CCDC3: variants seen among roughly 807,000 people sequenced by gnomAD.
CCDC3 encodes the protein coiled-coil domain-containing protein 3.
CCDC3 carries 24 observed loss-of-function variants against 21.4 expected under a neutral mutation model. The ratio of observed to expected loss-of-function variants is 1.12; its 90% CI spans 0.81 to 1.58. The LOEUF is 1.58. Ranked by LOEUF, CCDC3 falls within the 40% of genes most tolerant of loss-of-function variation. The probability of loss-of-function intolerance (pLI) is 0.00; values close to 1 mark genes in which losing one functional copy is unlikely to be tolerated. For synonymous variants in CCDC3, 186 were observed against 166.0 expected (o/e 1.12, Z -0.93); for missense variants, 425 against 360.9 (o/e 1.18, Z -1.44).
At chr10:12,989,929 GA>G (rs897420107) in intron 2 of CCDC3, among the ~76,000 whole-genome samples, 110 of 144,424 alleles carry the variant, frequency 7.6e-4, no homozygotes, top group East Asian at 5.3e-3. Context: ...TGTGCAAGCA[GA>G]AAAAAAAAAA....
At chr10:13,053,226 T>C (rs2131426691) in intron 4 of CCDC3, among the ~76,000 whole-genome samples, 1 of 152,174 alleles carries the variant, frequency 6.6e-6, no homozygotes, top group East Asian at 1.9e-4. Flanking sequence ...GGCAGGAAGG[T>C]TAAAATTAGG....
intron 2 of CCDC3, among the ~76,000 whole-genome samples, chr10:12,991,794 A>G (rs910605061): frequency 6.6e-6 from 1 of 152,242 alleles, no homozygotes; most frequent in Admixed American, 6.5e-5. Flanking sequence ...CTGAACTCTG[A>G]ACACTAAACA....
In CCDC3 at chr10:13,091,309, T is replaced by C. The variant is rs184271956; in HGVS notation, c.-503+7216A>G. ...TAGCCATCACAGGAGGTGAAGCCTT[T>C]TGGGGGGTGATTAGGTCATGAGAGG... On this transcript the variant is annotated intron_variant, in intron 3 of 6. Transcript: ENST00000378839. Among the ~76,000 whole-genome samples the C allele has an allele frequency of 1.9e-3, 288 of 152,272 alleles. 1 individual carries two copies. Among genetic ancestry groups the C allele is most frequent in the African/African-American group, 6.6e-3 (276 of 41,566 alleles).
chr10:13,031,996 C>A (rs1435966961), intron 5 of CCDC3, among the ~76,000 whole-genome samples: 2 of 152,166 alleles, frequency 1.3e-5, no homozygotes, highest in African/African-American at 2.4e-5. Context: ...TTTTATGAGG[C>A]CAGCATCATC....
chr10:12,903,971 G>A (rs942299122), intron 2 of CCDC3, among the ~76,000 whole-genome samples: 1 of 152,148 alleles, frequency 6.6e-6, no homozygotes, highest in East Asian at 1.9e-4. Context: ...TTGTTCCTAC[G>A]GGTATAAATA....
At chr10:12,990,077 C>T (rs1263166544) in intron 2 of CCDC3, among the ~76,000 whole-genome samples, 2 of 151,816 alleles carry the variant, frequency 1.3e-5, no homozygotes, top group African/African-American at 2.4e-5. Context: ...ACAGTGAAAC[C>T]GCATCTCTAC....
rs144914195 is a variant in CCDC3, at chr10:12,976,376, G to A, written c.549+21962C>T. Among the ~76,000 whole-genome samples, 309 of 152,314 alleles carry A rather than the reference G, an allele frequency of 2.0e-3. 2 individuals are homozygous for A. The highest frequency in any genetic ancestry group is 6.8e-3 in the African/African-American group (283 of 41,572). ...TTAGGCCCCAGGCTACAAAGATGAA[G>A]ATGAAATGGTCCCTAATTTCCAACA... is the stretch of plus-strand genomic sequence containing the variant. On this transcript the variant is annotated intron_variant, in intron 2 of 2. Coordinates refer to ENST00000378825, the MANE Select transcript of CCDC3 (RefSeq NM_031455.4).
chr10:13,093,727 C>CA (rs1250691800), intron 3 of CCDC3, among the ~76,000 whole-genome samples: 1 of 152,000 alleles, frequency 6.6e-6, no homozygotes, highest in African/African-American at 2.4e-5. Context: ...TCCCTCACTC[C>CA]ACCATGCACT....
intron 2 of CCDC3, among the ~76,000 whole-genome samples, chr10:12,927,384 A>G (rs978217436): frequency 1.3e-5 from 2 of 152,194 alleles, no homozygotes; most frequent in Admixed American, 6.5e-5. Flanking sequence ...AAAATTAACA[A>G]TTGCTCAATA....
At chr10:12,916,618 T>G (rs1429854366) in intron 2 of CCDC3, among the ~76,000 whole-genome samples, 1 of 51,776 alleles carries the variant, frequency 1.9e-5, no homozygotes, top group African/African-American at 7.5e-5. Flanking sequence ...AGACTCCATC[T>G]CAGAAAAAAA....
At chr10:12,919,491 T>C (rs985106786) in intron 2 of CCDC3, among the ~76,000 whole-genome samples, 4 of 150,068 alleles carry the variant, frequency 2.7e-5, no homozygotes, top group Non-Finnish European at 4.4e-5. Flanking sequence ...TTGGGAGGCT[T>C]AGGCAGGAGA....
At chr10:12,933,503 G>T (rs1251012) in intron 2 of CCDC3, among the ~76,000 whole-genome samples, 4,257 of 148,492 alleles carry the variant, frequency 0.029, 188 homozygotes, top group African/African-American at 0.1. Context: ...TGCCCAGAGC[G>T]ACCCAGTGCA....
At chr10:12,987,720 A>T (rs1001735826) in intron 2 of CCDC3, among the ~76,000 whole-genome samples, 1 of 152,158 alleles carries the variant, frequency 6.6e-6, no homozygotes, top group African/African-American at 2.4e-5. Flanking sequence ...AAAGCATGAC[A>T]TTGGCCAATA....
chr10:12,958,038 G>C (rs367765559), intron 2 of CCDC3, among the ~76,000 whole-genome samples: 2 of 151,918 alleles, frequency 1.3e-5, no homozygotes, highest in Admixed American at 1.3e-4. Context: ...TGTTGGCCAG[G>C]CTCGGTTCCA....
At chr10:13,075,495 G>T (rs925737525) in intron 3 of CCDC3, among the ~76,000 whole-genome samples, 6 of 151,634 alleles carry the variant, frequency 4.0e-5, no homozygotes, top group Non-Finnish European at 8.8e-5. Flanking sequence ...TAATGGTTTA[G>T]AAGCTCCTAA....
At chr10:13,012,855 T>G (rs575253846) in intron 5 of CCDC3, among the ~76,000 whole-genome samples, 1 of 151,998 alleles carries the variant, frequency 6.6e-6, no homozygotes, top group Non-Finnish European at 1.5e-5. Flanking sequence ...GATCCCCAAG[T>G]CACAAGTTTA....
chr10:13,071,526 T>A (rs1196863698), intron 4 of CCDC3, among the ~76,000 whole-genome samples: 1 of 152,182 alleles, frequency 6.6e-6, no homozygotes, highest in Non-Finnish European at 1.5e-5. Flanking sequence ...ATTCACAGGC[T>A]ACTGACAGCA....
chr10:13,092,715 G>A (rs1832586851), intron 3 of CCDC3, among the ~76,000 whole-genome samples: 1 of 152,236 alleles, frequency 6.6e-6, no homozygotes, highest in South Asian at 2.1e-4. Context: ...TATAGCAGCT[G>A]GAGAAGTGAA....
At chr10:13,025,741 T>G (rs1836205754) in intron 5 of CCDC3, among the ~76,000 whole-genome samples, 1 of 152,202 alleles carries the variant, frequency 6.6e-6, no homozygotes, top group African/African-American at 2.4e-5. Flanking sequence ...TCACTTAGCT[T>G]TTGTAACTTG....
Sources: allele counts gnomAD v4.1 joint callset (sites outside exome capture counted in the v4.1 genomes callset), GRCh38; gene constraint gnomAD v4.1.1; transcripts MANE v1.5; gene names NCBI Gene and HGNC (gene_info 2026-07-23, HGNC 2026-07-21).